COL28A1: variants seen among roughly 807,000 people sequenced by gnomAD.
COL28A1 encodes collagen type XXVIII alpha 1 chain, also known as collagen alpha-1(XXVIII) chain.
COL28A1 carries 161 observed loss-of-function variants against 150.2 expected under a neutral mutation model. The observed-to-expected ratio is 1.07, with a 90% CI of 0.94 to 1.22. The LOEUF is 1.22. COL28A1 is among the 50% of genes most tolerant of loss of function. The pLI, the probability that COL28A1 is intolerant of heterozygous loss-of-function variation, is 0.00. For missense variants in COL28A1, 1,617 were observed against 1,388.3 expected (o/e 1.16, Z -2.62); for synonymous variants, 552 against 469.7 (o/e 1.18, Z -2.26).
In COL28A1 at chr7:7,514,014, G is replaced by A. The variant is rs994953649; in HGVS notation, c.882+1800C>T. ...CTGGTGAAATTCTGGTTTGAATGTC[G>A]ATGGTTCAGGGTCACTTTGCTCTGA... On this transcript the variant is annotated intron_variant, in intron 8 of 34. Transcript: ENST00000399429. Among the ~76,000 whole-genome samples the A allele has an allele frequency of 9.2e-5, 14 of 152,252 alleles. No individual in the cohort carries two copies. In the East Asian group the frequency reaches 1.3e-3, roughly 15 times the overall value.
intron 27 of COL28A1, among the ~76,000 whole-genome samples, chr7:7,413,700 C>T (rs1407391162): frequency 6.6e-6 from 1 of 152,150 alleles, no homozygotes; most frequent in Non-Finnish European, 1.5e-5. Flanking sequence ...CACCCACCAA[C>T]CAGGAACACA....
chr7:7,462,905 G>A (rs973856876), intron 15 of COL28A1, among the ~76,000 whole-genome samples: 1 of 151,420 alleles, frequency 6.6e-6, no homozygotes, highest in African/African-American at 2.4e-5. Context: ...AAATGCTCTG[G>A]AAGCTCTCAG....
At chr7:7,339,313 T>C in the COL28A1 span, among the ~76,000 whole-genome samples, 1 of 152,152 alleles carries the variant, frequency 6.6e-6, no homozygotes, top group Non-Finnish European at 1.5e-5. Flanking sequence ...CCCTTAAGTA[T>C]CCTAGTCTTG....
In COL28A1 at chr7:7,373,205, C is replaced by G; in HGVS notation, c.2701G>C (p.Val901Leu). 1.2e-6 allele frequency: 2 copies of G among 1,614,180 alleles called. No homozygotes were observed. ...GAATCTGTCTGTCCATCAGTGATGACCAAGGCCACTTTTTTTACACCTGGC... is the reference window on the plus strand; with the variant it reads ...GAATCTGTCTGTCCATCAGTGATGAGCAAGGCCACTTTTTTTACACCTGGC... ...ARPGVKKVAL[V>L]ITDGQTDSRD... Residue 901 changes from valine (V) to leucine (L), a missense_variant, in exon 32 of 35, where the codon GTC becomes CTC. By Grantham distance (32) the Val-to-Leu change is conservative. Coordinates refer to ENST00000399429, the MANE Select transcript of COL28A1 (RefSeq NM_001037763.3). This position sits in a 1 kb window ranked among gnomAD's most constrained non-coding sequence, Gnocchi z 4.1.
chr7:7,490,468 G>A (rs1396354433), intron 12 of COL28A1, 110 bp downstream of exon 12: 22 of 521,870 alleles, frequency 4.2e-5, no homozygotes, highest in Non-Finnish European at 7.2e-5. Flanking sequence ...ACTTCAGGAA[G>A]CCTCCTTGTG....
intron 9 of COL28A1, among the ~76,000 whole-genome samples, chr7:7,508,026 A>T (rs1461582509): frequency 2.0e-5 from 3 of 152,074 alleles, no homozygotes; most frequent in Non-Finnish European, 4.4e-5. Context: ...AGGTCAGGAG[A>T]TGGAGACCAT....
chr7:7,499,578 G>A (rs945254050), intron 11 of COL28A1, among the ~76,000 whole-genome samples: 3 of 152,208 alleles, frequency 2.0e-5, no homozygotes, highest in Admixed American at 1.3e-4. Flanking sequence ...AAATTATAAG[G>A]AATTATATCC....
chr7:7,373,402 G>A lies in COL28A1; in HGVS notation c.2504C>T (p.Ala835Val), dbSNP rs1781341285. 1 of 1,614,024 alleles carries A rather than the reference G, an allele frequency of 6.2e-7. No homozygotes were observed. The highest frequency in any genetic ancestry group is 1.3e-5 in the African/African-American group (1 of 74,882). ...ADRVALDLAT[A>V]RIGIINYSHK... Reference sequence around the variant, plus strand: ...GCTATAGTTGATTATGCCTATGCGGGCCGTGGCAAGGTCCAGAGCAACCCG... The same window carrying A: ...GCTATAGTTGATTATGCCTATGCGGACCGTGGCAAGGTCCAGAGCAACCCG... Residue 835 changes from alanine (A) to valine (V), a missense_variant, in exon 32 of 35, where the codon GCC (alanine) becomes GTC (valine). Physicochemically the swap from Ala to Val is moderately conservative, Grantham distance 64. Coordinates refer to ENST00000399429, the MANE Select transcript of COL28A1 (RefSeq NM_001037763.3). The surrounding 1 kb of genome is among the most constrained non-coding windows in gnomAD (Gnocchi z 4.1).
At chr7:7,439,128 C>CCT (rs1785562113) in intron 21 of COL28A1, among the ~76,000 whole-genome samples, 1 of 152,190 alleles carries the variant, frequency 6.6e-6, no homozygotes. Context: ...TTCAGTCATC[C>CCT]TGCTTCCTCC....
downstream of COL28A1, chr7:7,356,315 A>G (rs753100038): frequency 6.6e-6 from 1 of 152,226 alleles, no homozygotes; most frequent in Non-Finnish European, 1.5e-5. Context: ...GCACATTGAC[A>G]TGGTAAATAC....
chr7:7,349,512 T>C, the COL28A1 span, among the ~76,000 whole-genome samples: 2 of 152,186 alleles, frequency 1.3e-5, 1 homozygote, highest in African/African-American at 4.8e-5. Flanking sequence ...GTGAAATTCC[T>C]TTCTTTACAG....
At chr7:7,410,335 C>A (rs1224492251) in intron 27 of COL28A1, among the ~76,000 whole-genome samples, 2 of 152,116 alleles carry the variant, frequency 1.3e-5, no homozygotes, top group African/African-American at 4.8e-5. Context: ...TAATTTTAAG[C>A]CACACCCTCG....
the COL28A1 span, among the ~76,000 whole-genome samples, chr7:7,350,982 T>G: frequency 6.6e-6 from 1 of 152,166 alleles, no homozygotes; most frequent in African/African-American, 2.4e-5. Flanking sequence ...AAGTCTTTGC[T>G]GTTTATGCAA....
intron 18 of COL28A1, among the ~76,000 whole-genome samples, chr7:7,444,951 A>G (rs957814841): frequency 6.6e-6 from 1 of 152,096 alleles, no homozygotes; most frequent in African/African-American, 2.4e-5. Context: ...TTCTTATAAT[A>G]GAGTTCTCAT....
At chr7:7,541,079 G>A in the COL28A1 span, among the ~76,000 whole-genome samples, 1 of 152,118 alleles carries the variant, frequency 6.6e-6, no homozygotes, top group African/African-American at 2.4e-5. Flanking sequence ...TGGAATAAAA[G>A]TGTTTTAAGA....
downstream of COL28A1, among the ~76,000 whole-genome samples, chr7:7,353,099 C>A (rs185995461): frequency 1.5e-3 from 224 of 152,280 alleles, 2 homozygotes; most frequent in Admixed American, 2.6e-3. Flanking sequence ...GAGAGCACTG[C>A]CCCCAACAGA....
chr7:7,405,417 C>T (rs1783439525), intron 27 of COL28A1, among the ~76,000 whole-genome samples: 1 of 152,138 alleles, frequency 6.6e-6, no homozygotes, highest in African/African-American at 2.4e-5. Context: ...ACAATGGGAA[C>T]TATTAATACA....
At chr7:7,372,422 TAAATAAATA>T (rs1276316550) in intron 32 of COL28A1, among the ~76,000 whole-genome samples, 1 of 150,862 alleles carries the variant, frequency 6.6e-6, no homozygotes, top group Non-Finnish European at 1.5e-5. Flanking sequence ...AATAAATAAA[TAAATAAATA>T]AATAAATAAA....
In COL28A1 at chr7:7,358,572, G is replaced by C; in HGVS notation, c.*61C>G. 6.8e-7 allele frequency: 1 copy of C among 1,467,928 alleles called. No homozygotes were observed. Among genetic ancestry groups the C allele is most frequent in the Non-Finnish European group, 9.5e-7 (1 of 1,056,854 alleles). The allele number at this position is 1,467,928 out of a possible 1,614,324, so 90.9% of individuals were successfully genotyped here. ...CAAATATAGTGCTGTATTTGTATTG[G>C]GTGAATATGTGGAAATTAGGGAGTT... On this transcript the variant is annotated 3_prime_UTR_variant, in exon 35 of 35. Coordinates refer to ENST00000399429, the MANE Select transcript of COL28A1 (RefSeq NM_001037763.3).
Sources: gnomAD v4.1 joint callset for allele counts (sites outside exome capture counted in the v4.1 genomes callset) on GRCh38, gnomAD v4.1.1 for gene constraint, Gnocchi (gnomAD v3.1) non-coding constraint, MANE v1.5 for transcripts, NCBI Gene and HGNC (gene_info 2026-07-23, HGNC 2026-07-21) for gene names.